Variants in CCDC93 observed in about 807,000 individuals in gnomAD.
CCDC93 encodes the protein coiled-coil domain-containing protein 93.
A neutral mutation model predicts 108.2 loss-of-function variants in CCDC93; 61 were observed. The observed-to-expected ratio is 0.56, with a 90% confidence interval of 0.46 to 0.70. The LOEUF is 0.70. Among genes scored for constraint, CCDC93 ranks in the 30% least tolerant of loss-of-function variants. The pLI is 0.00. For missense variants in CCDC93, 685 were observed against 764.2 expected (o/e 0.90, Z 1.22); for synonymous variants, 276 against 260.4 (o/e 1.06, Z -0.58).
intron 23 of CCDC93, chr2:117,921,900 T>TG (rs1165264092): frequency 1.3e-5 from 2 of 151,658 alleles, no homozygotes; most frequent in African/African-American, 4.8e-5. Context: ...AGCACCTTTT[T>TG]GGGGAGAGAG....
chr2:118,002,069 T>TA lies in CCDC93; in HGVS notation c.252-1138dup, dbSNP rs1254937977. ...GGTTACATTGCCACACAAGACCCTT[T>TA]AAAAAAAATCTTAGCCAGTCACAGC... On this transcript the variant is annotated intron_variant, in intron 3 of 23. Transcript: ENST00000376300. Among the ~76,000 whole-genome samples the TA allele has an allele frequency of 3.3e-5, 5 of 151,960 alleles. No homozygotes were observed. In the East Asian group the frequency reaches 9.7e-4, roughly 29 times the overall value.
rs1461498154 is a variant in CCDC93, at chr2:117,916,790, T to C, written c.*3553A>G. Reference sequence around the variant, plus strand: ...GAGAAGAGGGAATACTATTATAGCATTACCTTTTACAATGCATCTTCAGCC... The same window carrying C: ...GAGAAGAGGGAATACTATTATAGCACTACCTTTTACAATGCATCTTCAGCC... On this transcript the variant is annotated 3_prime_UTR_variant, in exon 24 of 24. Transcript: ENST00000376300. The C allele has an allele frequency of 6.6e-6, 1 of 152,196 alleles. No homozygotes were observed. The highest frequency in any genetic ancestry group is 1.5e-5 in the Non-Finnish European group (1 of 68,038). 9.4% of individuals were successfully genotyped at this position (152,196 alleles called of 1,614,324 possible).
rs1677767957 is a variant in CCDC93, at chr2:117,918,769, G to A, written c.*1574C>T. The A allele has an allele frequency of 6.6e-6, 1 of 151,918 alleles. No homozygotes were observed. The highest frequency in any genetic ancestry group is 2.4e-5 in the African/African-American group (1 of 41,416). 9.4% of individuals were successfully genotyped at this position (151,918 alleles called of 1,614,324 possible). ...CTCAGGGACCAGCTGAGGTGGAGCT[G>A]CACATGACCCAAGAAGCGCTCGCAG... On this transcript the variant is annotated 3_prime_UTR_variant, in exon 24 of 24. Coordinates refer to ENST00000376300, the MANE Select transcript of CCDC93 (RefSeq NM_019044.5).
intron 19 of CCDC93, among the ~76,000 whole-genome samples, chr2:117,940,514 C>T (rs1162069313): frequency 6.6e-6 from 1 of 152,130 alleles, no homozygotes; most frequent in East Asian, 1.9e-4. Context: ...GGAACCCAGG[C>T]ATGGTAAAGA....
chr2:117,937,428 C>T (rs1418304315), intron 20 of CCDC93, among the ~76,000 whole-genome samples: 2 of 152,202 alleles, frequency 1.3e-5, no homozygotes, highest in Non-Finnish European at 2.9e-5. Flanking sequence ...TTTAGGTTCA[C>T]AGTCAGCAAT....
chr2:117,920,275 A>G lies in CCDC93; in HGVS notation c.*68T>C. 3.8e-6 allele frequency: 4 copies of G among 1,053,682 alleles called. No individual in the cohort carries two copies. Among genetic ancestry groups the G allele is most frequent in the Non-Finnish European group, 5.8e-6 (4 of 688,000 alleles). 65.3% of individuals were successfully genotyped at this position (1,053,682 alleles called of 1,614,324 possible). On this transcript the variant is annotated 3_prime_UTR_variant, in exon 24 of 24. Coordinates refer to ENST00000376300, the MANE Select transcript of CCDC93 (RefSeq NM_019044.5). ...CTACTGTCGCTTTCAGAACCATTTC[A>G]TGATCTTGTAGGTGATATACGGTGC...
In CCDC93 at chr2:118,006,785, G is replaced by A. The variant is rs1426097668; in HGVS notation, c.188C>T (p.Thr63Ile). The change falls in exon 3 of 24, where the codon ACT becomes ATT. Residue 63 changes from threonine (T) to isoleucine (I), a missense_variant. Physicochemically the swap from Thr to Ile is moderately conservative, Grantham distance 89 (BLOSUM62 -1). Coordinates refer to ENST00000376300, the MANE Select transcript of CCDC93 (RefSeq NM_019044.5). ...VVGGMTWCIT[T>I]CNFDVDVDLL... ...ATCAACATCTACATCAAAGTTGCAA[G>A]TGGTGATACACCAAGTCATTCCTCC... The A allele has an allele frequency of 1.2e-6, 2 of 1,611,390 alleles. No homozygotes were observed. The highest frequency in any genetic ancestry group is 1.7e-6 in the Non-Finnish European group (2 of 1,177,668).
At chr2:117,932,332 T>C (rs1678367249) in intron 22 of CCDC93, among the ~76,000 whole-genome samples, 1 of 152,194 alleles carries the variant, frequency 6.6e-6, no homozygotes, top group African/African-American at 2.4e-5. Context: ...GGGAGGGATT[T>C]GGTAAACACA....
chr2:117,953,191 T>G (rs1679113968), intron 12 of CCDC93, among the ~76,000 whole-genome samples: 1 of 152,226 alleles, frequency 6.6e-6, no homozygotes, highest in Non-Finnish European at 1.5e-5. Context: ...TGAGAAATTT[T>G]AACCTATATC....
intron 22 of CCDC93, 153 bp from the exon 23 acceptor site, chr2:117,931,303 T>C: frequency 1.7e-6 from 1 of 584,540 alleles, no homozygotes; most frequent in Non-Finnish European, 3.0e-6. Flanking sequence ...GGTTAATTTA[T>C]TTGCATATTA....
intron 15 of CCDC93, 52 bp downstream of exon 15, chr2:117,948,053 A>C: frequency 1.4e-6 from 2 of 1,420,804 alleles, no homozygotes; most frequent in Non-Finnish European, 2.0e-6. Flanking sequence ...GAGGTAAACC[A>C]AGAGATTCAA....
intron 22 of CCDC93, 102 bp from the exon 23 acceptor site, chr2:117,931,252 C>T: frequency 1.3e-6 from 1 of 745,340 alleles, no homozygotes; most frequent in East Asian, 2.5e-5. Context: ...TCATGGATTT[C>T]CTTACAGTAG....
At chr2:117,951,497 T>G (rs770417235) in intron 13 of CCDC93, 20 of 990,390 alleles carry the variant, frequency 2.0e-5, no homozygotes, top group Non-Finnish European at 2.4e-5. Context: ...GAGTAAGAAT[T>G]TTAAATTGGT....
intron 22 of CCDC93, chr2:117,931,529 G>A (rs1004887888): frequency 4.8e-6 from 1 of 207,896 alleles, no homozygotes. Context: ...GTAGAGGCCA[G>A]CAATGCTGCT....
At chr2:117,989,328 C>A (rs182797277) in intron 6 of CCDC93, among the ~76,000 whole-genome samples, 2 of 152,204 alleles carry the variant, frequency 1.3e-5, no homozygotes, top group East Asian at 3.9e-4. Context: ...TTGGAGAGTT[C>A]CTTTCCTCTC....
chr2:118,004,659 T>A (rs1328169650), intron 3 of CCDC93, among the ~76,000 whole-genome samples: 1 of 152,214 alleles, frequency 6.6e-6, no homozygotes, highest in Non-Finnish European at 1.5e-5. Context: ...CAGTACCCTG[T>A]GGCTGTAACA....
chr2:117,931,076 CT>C lies in CCDC93; in HGVS notation c.1802del (p.Lys601SerfsTer9). The part of the protein sequence containing the change: ...LNDQYLELLE[K>X]QRLYFKTVKE... Reference sequence around the variant, plus strand: ...TCACAGTCTTAAAGTATAGCCTCTGCTTTTCTAACAGCTCCAAGTACTGGTC... The same window carrying C: ...TCACAGTCTTAAAGTATAGCCTCTGCTTTCTAACAGCTCCAAGTACTGGTC... On this transcript the variant is annotated frameshift_variant, in exon 23 of 24. Transcript: ENST00000376300. LOFTEE classifies it high-confidence loss of function. 6.2e-7 allele frequency: 1 copy of C among 1,613,894 alleles called. No homozygotes were observed. Among genetic ancestry groups the C allele is most frequent in the Non-Finnish European group, 8.5e-7 (1 of 1,179,784 alleles).
chr2:117,956,620 A>G (rs995912113), intron 12 of CCDC93, among the ~76,000 whole-genome samples: 1 of 152,198 alleles, frequency 6.6e-6, no homozygotes, highest in African/African-American at 2.4e-5. Flanking sequence ...AGGGGTCAGG[A>G]GTAGGGATGA....
At chr2:117,936,659 G>A (rs771159699) in intron 21 of CCDC93, 43 bp downstream of exon 21, 2 of 1,541,824 alleles carry the variant, frequency 1.3e-6, no homozygotes, top group Non-Finnish European at 1.8e-6. Flanking sequence ...TCAAAGCGCA[G>A]GCCGGCAGGG....
Sources: allele counts gnomAD v4.1 joint callset (sites outside exome capture counted in the v4.1 genomes callset), GRCh38; gene constraint gnomAD v4.1.1; transcripts MANE v1.5; gene names NCBI Gene and HGNC (gene_info 2026-07-23, HGNC 2026-07-21).